The following SLC14A2 variants were observed in gnomAD, a reference collection of about 807,000 sequenced individuals.
SLC14A2 encodes solute carrier family 14 member 2, also known as urea transporter 2.
A neutral mutation model predicts 104.6 loss-of-function variants in SLC14A2; 91 were observed. That is an observed-to-expected ratio of 0.87 (90% CI 0.73 to 1.04). SLC14A2 has a LOEUF of 1.04. Among genes scored for constraint, SLC14A2 ranks in the 50% least tolerant of loss-of-function variants. The pLI is 0.00. For synonymous variants in SLC14A2, 476 were observed against 466.4 expected, an observed-to-expected ratio of 1.02 and a Z score of -0.27; for missense variants, 1,189 against 1,156.0, an observed-to-expected ratio of 1.03 and a Z score of -0.41.
chr18:45,366,432 C>T (rs2085666346), intron 1 of SLC14A2, among the ~76,000 whole-genome samples: 3 of 152,198 alleles, frequency 2.0e-5, no homozygotes, highest in Admixed American at 1.3e-4. Context: ...CCAGTGTTCT[C>T]ATGCTGGGGA....
At chr18:45,318,787 A>T (rs2085156341) in intron 1 of SLC14A2, among the ~76,000 whole-genome samples, 1 of 139,568 alleles carries the variant, frequency 7.2e-6, no homozygotes, top group Non-Finnish European at 1.6e-5. Flanking sequence ...AACTCTGTCT[A>T]AAAAAAAAAA....
chr18:45,552,316 G>T (rs575000900), intron 2 of SLC14A2, among the ~76,000 whole-genome samples: 1 of 152,154 alleles, frequency 6.6e-6, no homozygotes, highest in African/African-American at 2.4e-5. Context: ...CCCATGGCCC[G>T]CATAGCAGCA....
At chr18:45,186,285 A>G in the SLC14A2 span, among the ~76,000 whole-genome samples, 3 of 152,244 alleles carry the variant, frequency 2.0e-5, no homozygotes, top group Admixed American at 2.0e-4. Flanking sequence ...GGTCAATAAG[A>G]CAGGACAGAG....
At chr18:45,216,654 A>G (rs2084013595) in intron 1 of SLC14A2, among the ~76,000 whole-genome samples, 1 of 152,116 alleles carries the variant, frequency 6.6e-6, no homozygotes, top group African/African-American at 2.4e-5. Context: ...CAATGCACAC[A>G]TCATGTGTAC....
At chr18:45,267,048 T>C (rs1028683528) in intron 1 of SLC14A2, among the ~76,000 whole-genome samples, 1 of 152,138 alleles carries the variant, frequency 6.6e-6, no homozygotes, top group African/African-American at 2.4e-5. Flanking sequence ...GGTTCTCCAA[T>C]CATACTAGTA....
At chr18:45,243,502 A>C (rs138952364) in intron 1 of SLC14A2, among the ~76,000 whole-genome samples, 3 of 152,334 alleles carry the variant, frequency 2.0e-5, no homozygotes, top group Non-Finnish European at 2.9e-5. Context: ...ACAAGGACTT[A>C]AAATGGGGAA....
At chr18:45,181,977 T>C in the SLC14A2 span, among the ~76,000 whole-genome samples, 1 of 152,118 alleles carries the variant, frequency 6.6e-6, no homozygotes, top group Non-Finnish European at 1.5e-5. Context: ...GTTAAAAAGT[T>C]CCTAAAACGA....
chr18:45,392,489 G>T (rs1025783405), intron 1 of SLC14A2, among the ~76,000 whole-genome samples: 1 of 152,134 alleles, frequency 6.6e-6, no homozygotes, highest in Non-Finnish European at 1.5e-5. Context: ...TTTAAAACAG[G>T]TCAGAATGTA....
chr18:45,269,901 T>G (rs76370416), intron 1 of SLC14A2, among the ~76,000 whole-genome samples: 5,208 of 152,292 alleles, frequency 0.034, 178 homozygotes, highest in East Asian at 0.091. Context: ...GGTCTCTTTT[T>G]TTCTATATGT....
At chr18:45,316,167 A>T (rs942763651) in intron 1 of SLC14A2, among the ~76,000 whole-genome samples, 8 of 152,218 alleles carry the variant, frequency 5.3e-5, no homozygotes, top group African/African-American at 1.9e-4. Context: ...TACAAAGCAG[A>T]GGCCAGCAGA....
Position 45,438,734 on chromosome 18 carries a change from C to G in SLC14A2, c.-124-44499C>G, listed in dbSNP as rs969188574. ...TCTAGCAAGAAAGTTGAAATTAAAG[C>G]CTTATCTATATCTATGATAGGAAAA... is the stretch of plus-strand genomic sequence containing the variant. On this transcript the variant is annotated intron_variant, in intron 1 of 20. Coordinates refer to the SLC14A2 transcript ENST00000586448. Among the ~76,000 whole-genome samples, 90 of 152,226 alleles carry G rather than the reference C, an allele frequency of 5.9e-4. 1 individual carries two copies. Among genetic ancestry groups the G allele is most frequent in the African/African-American group, 2.0e-3 (82 of 41,522 alleles).
intron 1 of SLC14A2, among the ~76,000 whole-genome samples, chr18:45,623,215 C>T (rs769721096): frequency 1.3e-5 from 2 of 152,028 alleles, no homozygotes; most frequent in Non-Finnish European, 2.9e-5. Context: ...TTGAGATTTC[C>T]AGTGTGTGTG....
intron 2 of SLC14A2, among the ~76,000 whole-genome samples, chr18:45,579,295 A>G (rs753614427): frequency 2.0e-5 from 3 of 152,330 alleles, no homozygotes; most frequent in Non-Finnish European, 2.9e-5. Context: ...CCATTTTTGC[A>G]GTCTGTCATG....
At chr18:45,437,703 G>A (rs1037499078) in intron 1 of SLC14A2, among the ~76,000 whole-genome samples, 2 of 152,236 alleles carry the variant, frequency 1.3e-5, no homozygotes, top group Admixed American at 6.5e-5. Flanking sequence ...ATCTCAGCAG[G>A]CAGTTGTGTT....
At chr18:45,507,299 A>G (rs2043301385) in intron 2 of SLC14A2, 1 of 152,544 alleles carries the variant, frequency 6.6e-6, no homozygotes, top group Admixed American at 6.5e-5. Flanking sequence ...GATGACCGGC[A>G]GAGAAGTCAA....
chr18:45,606,697 A>G (rs1403419299), intron 2 of SLC14A2, among the ~76,000 whole-genome samples: 1 of 150,922 alleles, frequency 6.6e-6, no homozygotes, highest in Non-Finnish European at 1.5e-5. Context: ...TCACCTTCTA[A>G]ATTTTACCTA....
intron 1 of SLC14A2, among the ~76,000 whole-genome samples, chr18:45,476,928 T>C (rs201938789): frequency 7.8e-3 from 1,060 of 135,730 alleles, no homozygotes; most frequent in South Asian, 0.013. Context: ...GGTTAGAACA[T>C]GCTTCTTTAG....
At chr18:45,319,249 G>A (rs762724595) in intron 1 of SLC14A2, among the ~76,000 whole-genome samples, 9 of 152,122 alleles carry the variant, frequency 5.9e-5, no homozygotes, top group Non-Finnish European at 8.8e-5. Context: ...TCCCTCTTCT[G>A]TTACCCACTC....
chr18:45,505,049 G>A (rs1168505245), intron 2 of SLC14A2, among the ~76,000 whole-genome samples: 1 of 152,174 alleles, frequency 6.6e-6, no homozygotes, highest in Non-Finnish European at 1.5e-5. Context: ...TAGAAAGAAA[G>A]AGAGTTAGGA....
Sources: gnomAD v4.1 joint callset for allele counts (sites outside exome capture counted in the v4.1 genomes callset) on GRCh38, gnomAD v4.1.1 for gene constraint, MANE v1.5 for transcripts, NCBI Gene and HGNC (gene_info 2026-07-23, HGNC 2026-07-21) for gene names.